Variants in MYG1 observed in about 807,000 individuals in gnomAD.
MYG1 encodes MYG1 exonuclease, also known as UPF0160 protein MYG1, mitochondrial.
MYG1 carries 36 observed loss-of-function variants against 43.5 expected under a neutral mutation model. That is an observed-to-expected ratio of 0.83 (90% confidence interval 0.63 to 1.09). The LOEUF is 1.09. Among genes scored for constraint, MYG1 ranks in the 50% least tolerant of loss-of-function variants. MYG1 has a pLI of 0.00. For missense variants in MYG1, 529 were observed against 495.1 expected (o/e 1.07, Z -0.65); for synonymous variants, 220 against 202.8 (o/e 1.08, Z -0.72).
intron 2 of MYG1, among the ~76,000 whole-genome samples, chr12:53,301,271 C>G (rs1040962695): frequency 6.6e-6 from 1 of 152,176 alleles, no homozygotes. Context: ...TCCTTCCCTA[C>G]AGCCTAAAAC....
chr12:53,300,190 C>T lies in MYG1; in HGVS notation c.257C>T (p.Ala86Val), dbSNP rs1326942044. 1 of 1,607,260 alleles carries T rather than the reference C, an allele frequency of 6.2e-7. No individual in the cohort carries two copies. Among genetic ancestry groups the T allele is most frequent in the Non-Finnish European group, 8.5e-7 (1 of 1,176,094 alleles). ...IVRTRDPEKL[A>V]SCDIVVDVGG... ...CGGACCCGGGATCCCGAAAAACTCG[C>T]TTCCTGTGACATCGTGGTGGACGTG... Residue 86 changes from alanine (A) to valine (V), a missense_variant, in exon 2 of 7, where the codon GCT (alanine) becomes GTT (valine). Coordinates refer to ENST00000267103, the MANE Select transcript of MYG1 (RefSeq NM_021640.4).
At chr12:53,300,027 G>A in intron 1 of MYG1, 74 bp downstream of exon 1, 3 of 1,581,794 alleles carry the variant, frequency 1.9e-6, no homozygotes, top group Admixed American at 3.5e-5. Flanking sequence ...CCGCCAACAG[G>A]GTCACTCCGA....
At chr12:53,304,442 C>T (rs771514912) in intron 3 of MYG1, among the ~76,000 whole-genome samples, 7 of 151,730 alleles carry the variant, frequency 4.6e-5, no homozygotes, top group Non-Finnish European at 1.0e-4. Context: ...CCTGCCACCA[C>T]GCCTGGCTAA....
At chr12:53,304,813 CAA>C (rs71068105) in intron 3 of MYG1, among the ~76,000 whole-genome samples, 140,545 of 147,932 alleles carry the variant, frequency 0.95, 67,204 homozygotes, top group East Asian at 1. Context: ...AGGCTGGACT[CAA>C]AAACTCCTGG....
At chr12:53,305,104 G>C in intron 3 of MYG1, among the ~76,000 whole-genome samples, 1 of 134,620 alleles carries the variant, frequency 7.4e-6, no homozygotes, top group Non-Finnish European at 1.7e-5. Context: ...TCCTGACCTC[G>C]TGATCCGCCC....
chr12:53,306,409 G>C, intron 5 of MYG1, 89 bp downstream of exon 5: 1 of 1,559,616 alleles, frequency 6.4e-7, no homozygotes, highest in East Asian at 2.2e-5. Flanking sequence ...AAACCCTGGA[G>C]TGCAGTGGCA....
chr12:53,301,002 C>G (rs1944227548), intron 2 of MYG1, among the ~76,000 whole-genome samples: 1 of 151,840 alleles, frequency 6.6e-6, no homozygotes, highest in Non-Finnish European at 1.5e-5. Context: ...TCACTGCAAC[C>G]TCTGTCTCCC....
At chr12:53,306,942 G>C (rs1482904301) in intron 6 of MYG1, 24 bp from the exon 7 acceptor site, 1 of 1,611,196 alleles carries the variant, frequency 6.2e-7, no homozygotes, top group Admixed American at 1.7e-5. Context: ...TCTGACCCCT[G>C]CTGTACTCCC....
At chr12:53,304,043 C>A (rs1944251262) in intron 3 of MYG1, among the ~76,000 whole-genome samples, 1 of 152,012 alleles carries the variant, frequency 6.6e-6, no homozygotes, top group Admixed American at 6.6e-5. Context: ...TGGGGTTTCA[C>A]CGTGTTAGCC....
intron 1 of MYG1, 91 bp from the exon 2 acceptor site, chr12:53,300,059 C>A: frequency 6.6e-7 from 1 of 1,516,706 alleles, no homozygotes; most frequent in South Asian, 1.2e-5. Flanking sequence ...AGCCCAAGCA[C>A]CCTTCCTACC....
At chr12:53,305,332 C>T (rs912277899) in intron 3 of MYG1, among the ~76,000 whole-genome samples, 2 of 152,076 alleles carry the variant, frequency 1.3e-5, no homozygotes, top group Non-Finnish European at 2.9e-5. Flanking sequence ...GTTTCTGCCC[C>T]GAGACTCTTG....
At chr12:53,300,922 CTT>C (rs555046857) in intron 2 of MYG1, among the ~76,000 whole-genome samples, 14 of 140,346 alleles carry the variant, frequency 1.0e-4, no homozygotes, top group African/African-American at 7.8e-5. Flanking sequence ...TTTTTCTTTT[CTT>C]TTTTTTTTTT....
At position 53,299,745 on chromosome 12, in the gene MYG1, A is replaced by G. The variant is rs747335333; in HGVS notation, c.8A>G (p.His3Arg). The G allele has an allele frequency of 3.7e-6, 6 of 1,612,714 alleles. No homozygotes were observed. The highest frequency in any genetic ancestry group is 1.3e-5 in the African/African-American group (1 of 74,834). Residue 3 changes from histidine (H) to arginine (R), a missense_variant, in exon 1 of 7, where the codon CAC becomes CGC. Coordinates refer to ENST00000267103, the MANE Select transcript of MYG1 (RefSeq NM_021640.4). ...CCCTGCAGGGAGCTGCTTATGGGAC[A>G]CCAATTCCTGCGCGGCCTCTTAACG... is the stretch of plus-strand genomic sequence containing the variant. MG[H>R]QFLRGLLTLL... is the part of the protein sequence containing the mutation.
At position 53,307,048 on chromosome 12, in the gene MYG1, C is replaced by G; in HGVS notation, c.1030C>G (p.His344Asp). 6.2e-7 allele frequency: 1 copy of G among 1,614,248 alleles called. No homozygotes were observed. The highest frequency in any genetic ancestry group is 1.3e-5 in the African/African-American group (1 of 75,072). ...TGGGATCCCTGGCTGCATCTTCGTC[C>G]ATGCAAGCGGCTTCACTGGCGGTCA... is the stretch of plus-strand genomic sequence containing the variant. ...VSGIPGCIFV[H>D]ASGFTGGHHT... The change falls in exon 7 of 7, where the codon CAT becomes GAT. Residue 344 changes from histidine to aspartate, a missense_variant. Physicochemically the swap from His to Asp is moderately conservative, Grantham distance 81. Transcript: ENST00000267103.
intron 3 of MYG1, chr12:53,305,606 A>C: frequency 4.2e-6 from 1 of 238,530 alleles, no homozygotes; most frequent in African/African-American, 2.3e-5. Context: ...TCTAGCACCT[A>C]GAGACCTTCC....
intron 3 of MYG1, among the ~76,000 whole-genome samples, chr12:53,305,339 C>CT (rs1944265343): frequency 6.6e-6 from 1 of 152,176 alleles, no homozygotes; most frequent in Non-Finnish European, 1.5e-5. Flanking sequence ...CCCCGAGACT[C>CT]TTGAGGCATT....
rs1415364087 is a variant in MYG1 at position 53,299,839 on chromosome 12, A to T, written c.102A>T (p.Pro34=). ...TCGGTCCAGAGTCCGTCCCGCCCCC[A>T]AAACGATCCCGCAGCAAACTCATGG... ...RMLGPESVPP[P]KRSRSKLMAP... is the part of the protein sequence containing the mutation. The change falls in exon 1 of 7, where the codon CCA becomes CCT. Residue 34 remains proline, a synonymous_variant. Coordinates refer to ENST00000267103, the MANE Select transcript of MYG1 (RefSeq NM_021640.4). 6.2e-7 allele frequency: 1 copy of T among 1,614,110 alleles called. No homozygotes were observed. The highest frequency in any genetic ancestry group is 8.5e-7 in the Non-Finnish European group (1 of 1,180,004).
At position 53,299,958 on chromosome 12, in the gene MYG1, G is replaced by A. The variant is rs539064889; in HGVS notation, c.216+5G>A. On this transcript the variant is annotated splice_donor_5th_base_variant and intron_variant, in intron 1 of 6. Transcript: ENST00000267103. ...CGCCTCCTGCCGGAGTACCGGGTAC[G>A]GTCCGCGAAAAGTGACCCTGGGACT... 105 of 1,614,096 alleles carry A rather than the reference G, an allele frequency of 6.5e-5. 1 individual carries two copies. In the South Asian group the frequency reaches 1.0e-3, roughly 16 times the overall value.
rs149405187 is a variant in MYG1, at chr12:53,300,100, C to T, written c.217-50C>T. The T allele has an allele frequency of 2.0e-6, 3 of 1,537,044 alleles. No individual in the cohort carries two copies. The African/African-American group carries it at 4.1e-5, about 21-fold the overall frequency. The stretch of plus-strand genomic sequence containing the variant: ...TGCCTCCCTGAAGTCCAGCATTAAT[C>T]CCCTACCCGGCGACACCCGGCAGCC... On this transcript the variant is annotated intron_variant, in intron 1 of 6. Transcript: ENST00000267103.
Sources: gnomAD v4.1 joint callset for allele counts (sites outside exome capture counted in the v4.1 genomes callset) on GRCh38, gnomAD v4.1.1 for gene constraint, MANE v1.5 for transcripts, NCBI Gene and HGNC (gene_info 2026-07-23, HGNC 2026-07-21) for gene names.